Variants in FMN1 observed in about 807,000 individuals in gnomAD.
FMN1 encodes formin-1.
Under a neutral mutation model 132.4 loss-of-function variants are expected in FMN1, and 110 were observed. That is an observed-to-expected ratio of 0.83 (90% CI 0.71 to 0.97). The LOEUF is 0.97. FMN1 is among the 50% of genes least tolerant of loss of function. The pLI, the probability that FMN1 is intolerant of heterozygous loss-of-function variation, is 0.00. For synonymous variants in FMN1, 722 were observed against 651.7 expected, an observed-to-expected ratio of 1.11 and a Z score of -1.64; for missense variants, 1,792 against 1,705.3, an observed-to-expected ratio of 1.05 and a Z score of -0.90.
intron 6 of FMN1, among the ~76,000 whole-genome samples, chr15:33,041,113 A>G (rs936598775): frequency 4.1e-5 from 6 of 147,664 alleles, no homozygotes; most frequent in Non-Finnish European, 7.5e-5. Flanking sequence ...GTTCTAATAA[A>G]TCTAAAATAT....
chr15:32,969,569 T>C, intron 7 of FMN1, 92 bp from the exon 8 acceptor site: 7 of 1,352,770 alleles, frequency 5.2e-6, no homozygotes, highest in Non-Finnish European at 7.1e-6. Context: ...ATGGTGCCAC[T>C]GTAGCATGGC....
intron 4 of FMN1, among the ~76,000 whole-genome samples, chr15:33,114,432 C>T (rs2039833364): frequency 6.6e-6 from 1 of 152,236 alleles, no homozygotes; most frequent in Admixed American, 6.5e-5. Flanking sequence ...TGCAAAGAAT[C>T]TGCATAAGTG....
chr15:33,185,994 CTT>C (rs1223457884), intron 2 of FMN1, among the ~76,000 whole-genome samples: 1 of 151,998 alleles, frequency 6.6e-6, no homozygotes, highest in East Asian at 1.9e-4. Context: ...ATGATGGAAT[CTT>C]AGATTTAAAG....
intron 4 of FMN1, among the ~76,000 whole-genome samples, chr15:33,117,972 G>A (rs541425000): frequency 3.3e-5 from 5 of 152,256 alleles, no homozygotes; most frequent in Non-Finnish European, 7.4e-5. Flanking sequence ...TTCCTAGAAA[G>A]AAAATTGTTG....
intron 17 of FMN1, among the ~76,000 whole-genome samples, chr15:32,841,639 A>G (rs1313747669): frequency 1.3e-5 from 2 of 152,138 alleles, no homozygotes; most frequent in African/African-American, 4.8e-5. Flanking sequence ...TTCAGTAGGC[A>G]TGTAACATGT....
intron 6 of FMN1, chr15:33,062,907 A>C (rs1175749099): frequency 6.6e-6 from 1 of 152,222 alleles, no homozygotes; most frequent in Admixed American, 6.5e-5. Flanking sequence ...GCCTCGAATA[A>C]TAGCTGTATA....
intron 6 of FMN1, among the ~76,000 whole-genome samples, chr15:33,027,868 A>C (rs536774128): frequency 1.7e-4 from 26 of 152,298 alleles, no homozygotes; most frequent in African/African-American, 6.3e-4. Context: ...TCACAGCCAA[A>C]ATACAGTTGC....
At position 33,064,988 on chromosome 15, in the gene FMN1, TTC is replaced by T. The variant is rs779236960; in HGVS notation, c.2128_2129del (p.Glu710ArgfsTer9). The T allele has an allele frequency of 1.2e-6, 2 of 1,612,388 alleles. No homozygotes were observed. Among genetic ancestry groups the T allele is most frequent in the Middle Eastern group, 1.7e-4 (1 of 6,058 alleles). On this transcript the variant is annotated frameshift_variant, in exon 6 of 21. Coordinates refer to ENST00000616417, the MANE Select transcript of FMN1 (RefSeq NM_001277313.2). LOFTEE classifies it high-confidence loss of function. ...CAGTGTACTTCAGTCCCACTTTTTC[TTC>T]TGTGTCTTTTGTCTTTGGGGGTGGC... is the stretch of plus-strand genomic sequence containing the variant. ...VWPPPKTKDTEEKVGLKYTEA... is the reference protein window; with the variant it reads ...VWPPPKTKDTXEKVGLKYTEA...
chr15:33,172,102 G>A (rs975304764), intron 3 of FMN1, among the ~76,000 whole-genome samples: 7 of 151,970 alleles, frequency 4.6e-5, no homozygotes, highest in East Asian at 1.9e-4. Flanking sequence ...CAGCTACTCC[G>A]GAGGCTGAGG....
chr15:32,968,657 C>A, intron 8 of FMN1, 57 bp downstream of exon 8: 1 of 1,603,164 alleles, frequency 6.2e-7, no homozygotes, highest in Non-Finnish European at 8.5e-7. Flanking sequence ...AATAAAATAT[C>A]ACTTGGGCCA....
At chr15:33,148,488 G>T (rs538228249) in intron 4 of FMN1, among the ~76,000 whole-genome samples, 2 of 152,278 alleles carry the variant, frequency 1.3e-5, no homozygotes, top group African/African-American at 4.8e-5. Flanking sequence ...CCCCTGGCTT[G>T]GCTCCTTTAC....
chr15:33,047,781 C>T (rs1035150249), intron 6 of FMN1, among the ~76,000 whole-genome samples: 18 of 152,116 alleles, frequency 1.2e-4, no homozygotes, highest in African/African-American at 3.9e-4. Flanking sequence ...GTTTTGCCTT[C>T]CAGCTGTGCC....
intron 16 of FMN1, among the ~76,000 whole-genome samples, chr15:32,877,029 T>C (rs2059653782): frequency 6.6e-6 from 1 of 152,230 alleles, no homozygotes. Context: ...CTCATGCCTG[T>C]AATCCCAGCA....
At chr15:33,111,666 C>T (rs923440374) in intron 4 of FMN1, among the ~76,000 whole-genome samples, 2 of 152,070 alleles carry the variant, frequency 1.3e-5, no homozygotes, top group African/African-American at 4.8e-5. Context: ...CAAAAACATG[C>T]TAAGTAGATG....
chr15:32,973,333 G>C (rs1347437493), intron 7 of FMN1, among the ~76,000 whole-genome samples: 1 of 152,074 alleles, frequency 6.6e-6, no homozygotes, highest in Admixed American at 6.6e-5. Context: ...TCATGCATCT[G>C]GGTCTTTGCA....
At position 32,975,995 on chromosome 15, in the gene FMN1, T is replaced by G. The variant is rs559514653; in HGVS notation, c.2224-6518A>C. Among the ~76,000 whole-genome samples the G allele has an allele frequency of 2.6e-5, 4 of 152,248 alleles. No homozygotes were observed. The East Asian group carries it at 7.7e-4, about 29-fold the overall frequency. On this transcript the variant is annotated intron_variant, in intron 7 of 20. Transcript: ENST00000616417. ...CTTGTCTGGTCCCCACAAGCATGTC[T>G]GTCAAAAAGAAGGTGGAAAAGCGCC...
chr15:32,967,761 T>C (rs2031377591), intron 8 of FMN1, among the ~76,000 whole-genome samples: 1 of 152,224 alleles, frequency 6.6e-6, no homozygotes, highest in Admixed American at 6.5e-5. Context: ...TTCTGGTTGT[T>C]TTATCATTGT....
At position 32,771,903 on chromosome 15, in the gene FMN1, G is replaced by A. The variant is rs765482715; in HGVS notation, c.*2407C>T. The A allele has an allele frequency of 2.0e-5, 3 of 152,178 alleles. No homozygotes were observed. The highest frequency in any genetic ancestry group is 6.5e-5 in the Admixed American group (1 of 15,280). 9.4% of individuals were successfully genotyped at this position (152,178 alleles called of 1,614,324 possible). On this transcript the variant is annotated 3_prime_UTR_variant, in exon 21 of 21. Transcript: ENST00000616417. ...TAAAAATGAAGGCTGTGTCAGCAAC[G>A]TGGTACATTGGTGGACTTGGGAGGG...
At chr15:32,811,401 T>G (rs2057871968) in intron 17 of FMN1, among the ~76,000 whole-genome samples, 2 of 152,170 alleles carry the variant, frequency 1.3e-5, no homozygotes, top group South Asian at 4.1e-4. Context: ...CTGTCAAGGT[T>G]CCTAGTGTAG....
Sources: gnomAD v4.1 joint callset for allele counts (sites outside exome capture counted in the v4.1 genomes callset) on GRCh38, gnomAD v4.1.1 for gene constraint, MANE v1.5 for transcripts, NCBI Gene and HGNC (gene_info 2026-07-23, HGNC 2026-07-21) for gene names.